The following WDR27 variants were observed in gnomAD, a reference collection of about 807,000 sequenced individuals.
WDR27 encodes the protein WD repeat-containing protein 27.
In WDR27, 100 loss-of-function variants were observed where a neutral mutation model predicts 114.4. That is an observed-to-expected ratio of 0.87 (90% CI 0.74 to 1.03). The LOEUF is 1.03. Ranked by LOEUF, WDR27 falls within the 50% of genes least tolerant of loss-of-function variation. The probability of loss-of-function intolerance (pLI) is 0.00; values close to 1 mark genes in which losing one functional copy is unlikely to be tolerated. For missense variants in WDR27, 1,129 were observed against 1,092.9 expected, an observed-to-expected ratio of 1.03 and a Z score of -0.47; for synonymous variants, 449 against 423.1, an observed-to-expected ratio of 1.06 and a Z score of -0.75.
At chr6:169,496,936 T>A (rs565108393) in intron 25 of WDR27, among the ~76,000 whole-genome samples, 1 of 152,124 alleles carries the variant, frequency 6.6e-6, no homozygotes, top group Middle Eastern at 3.4e-3. Flanking sequence ...TATGGAAAAA[T>A]CCATCCTAAA....
chr6:169,427,309 G>A, the WDR27 span, among the ~76,000 whole-genome samples: 1 of 152,166 alleles, frequency 6.6e-6, no homozygotes, highest in Non-Finnish European at 1.5e-5. Context: ...TCAAGTCCCT[G>A]GGATTTAGAG....
intron 25 of WDR27, among the ~76,000 whole-genome samples, chr6:169,497,822 G>T (rs954412694): frequency 6.6e-6 from 1 of 152,128 alleles, no homozygotes; most frequent in African/African-American, 2.4e-5. Context: ...TGGTACAGCT[G>T]CTGTGGAAAA....
chr6:169,635,312 G>A (rs899700012), intron 19 of WDR27, among the ~76,000 whole-genome samples: 1 of 152,208 alleles, frequency 6.6e-6, no homozygotes, highest in African/African-American at 2.4e-5. Flanking sequence ...ATGAACTCGG[G>A]AGGCGGAGGT....
intron 25 of WDR27, among the ~76,000 whole-genome samples, chr6:169,560,581 G>C (rs1156547819): frequency 6.6e-6 from 1 of 152,198 alleles, no homozygotes; most frequent in African/African-American, 2.4e-5. Flanking sequence ...AGGGCCTTGT[G>C]GCTCTGAATT....
chr6:169,522,447 G>C (rs952098604), intron 25 of WDR27, among the ~76,000 whole-genome samples: 1 of 151,926 alleles, frequency 6.6e-6, no homozygotes, highest in Non-Finnish European at 1.5e-5. Flanking sequence ...TTGGAGTTAA[G>C]CTACACCCTT....
chr6:169,431,972 T>C, the WDR27 span, among the ~76,000 whole-genome samples: 7 of 152,228 alleles, frequency 4.6e-5, no homozygotes, highest in Admixed American at 1.3e-4. Context: ...GAGTCTTTTC[T>C]CTTCAGGGCA....
At chr6:169,514,049 T>G (rs1440474254) in intron 25 of WDR27, among the ~76,000 whole-genome samples, 2 of 152,130 alleles carry the variant, frequency 1.3e-5, no homozygotes, top group Non-Finnish European at 2.9e-5. Flanking sequence ...GCTGACTGAT[T>G]CCAAGTCTGG....
chr6:169,622,676 A>C (rs1327730546), intron 21 of WDR27, among the ~76,000 whole-genome samples: 1 of 152,350 alleles, frequency 6.6e-6, no homozygotes, highest in South Asian at 2.1e-4. Flanking sequence ...AAAACAGGAA[A>C]CTTTTCAAAG....
At chr6:169,479,260 A>C (rs2997874) in intron 25 of WDR27, among the ~76,000 whole-genome samples, 64,239 of 151,998 alleles carry the variant, frequency 0.42, 16,234 homozygotes, top group Non-Finnish European at 0.58. Context: ...GAAGACATAC[A>C]AGTGGCCAAC....
intron 17 of WDR27, among the ~76,000 whole-genome samples, chr6:169,640,507 T>C (rs566436291): frequency 3.1e-4 from 47 of 152,318 alleles, no homozygotes; most frequent in African/African-American, 1.0e-3. Context: ...GCTCCAAACA[T>C]TCCTCACTGC....
chr6:169,470,018 T>C (rs1346996834), intron 25 of WDR27, among the ~76,000 whole-genome samples: 1 of 152,246 alleles, frequency 6.6e-6, no homozygotes, highest in Non-Finnish European at 1.5e-5. Context: ...ATTCCTTCAA[T>C]TGTTTGCTCA....
Position 169,689,020 on chromosome 6 carries a change from C to A in WDR27, c.-7-8G>T, listed in dbSNP as rs1455636327. 7 of 1,593,732 alleles carry A rather than the reference C, an allele frequency of 4.4e-6. No individual in the cohort carries two copies. Among genetic ancestry groups the A allele is most frequent in the Admixed American group, 3.5e-5 (2 of 56,794 alleles). ...GGATTTTCCATCTTCAATCTGAAAACAAAAAGTACATATAAGATGACTATA... is the reference window on the plus strand; with the variant it reads ...GGATTTTCCATCTTCAATCTGAAAAAAAAAAGTACATATAAGATGACTATA... On this transcript the variant is annotated splice_region_variant and splice_polypyrimidine_tract_variant and intron_variant, in intron 1 of 25. Transcript: ENST00000448612.
At chr6:169,501,388 G>A (rs1395387842) in intron 25 of WDR27, among the ~76,000 whole-genome samples, 2 of 152,182 alleles carry the variant, frequency 1.3e-5, no homozygotes, top group Non-Finnish European at 2.9e-5. Context: ...AGGGAGTCAC[G>A]CGGCTTTAAG....
intron 15 of WDR27, among the ~76,000 whole-genome samples, chr6:169,648,533 C>G (rs1024238960): frequency 6.6e-6 from 1 of 152,226 alleles, no homozygotes; most frequent in African/African-American, 2.4e-5. Flanking sequence ...TCAGGCAGAA[C>G]GTGGCAGGAC....
chr6:169,486,301 G>A (rs537979179), intron 25 of WDR27, among the ~76,000 whole-genome samples: 11 of 152,102 alleles, frequency 7.2e-5, no homozygotes, highest in African/African-American at 2.7e-4. Context: ...GGACTTAAAA[G>A]AGAGCTACCA....
intron 25 of WDR27, among the ~76,000 whole-genome samples, chr6:169,560,965 C>A (rs1799595586): frequency 6.6e-6 from 1 of 151,440 alleles, no homozygotes; most frequent in Non-Finnish European, 1.5e-5. Flanking sequence ...AATTTTTGTT[C>A]TTATTATTTA....
the WDR27 span, among the ~76,000 whole-genome samples, chr6:169,449,692 G>A: frequency 1.1e-4 from 16 of 152,286 alleles, no homozygotes; most frequent in South Asian, 1.7e-3. Context: ...AGAGGGATGC[G>A]GACCAGTTTT....
chr6:169,661,066 C>G lies in WDR27; in HGVS notation c.1026-300G>C, dbSNP rs958275125. Among the ~76,000 whole-genome samples, 30 of 152,242 alleles carry G rather than the reference C, an allele frequency of 2.0e-4. 1 individual carries two copies. Among genetic ancestry groups the G allele is most frequent in the Admixed American group, 1.8e-3 (27 of 15,300 alleles). ...GTGAGCTCTCCGCAGGAGTGGAGAGCGTGGGCCGGGGCAGGTTCTTGCCAG... is the reference window on the plus strand; with the variant it reads ...GTGAGCTCTCCGCAGGAGTGGAGAGGGTGGGCCGGGGCAGGTTCTTGCCAG... On this transcript the variant is annotated intron_variant, in intron 9 of 25. Transcript: ENST00000448612.
Position 169,602,231 on chromosome 6 carries a change from G to A in WDR27, c.2412C>T (p.Ala804=), listed in dbSNP as rs750401117. ...AAACAGTACATACGTGTCTGTCCTC[G>A]GCCCCACAAGCCGCGAATCGTCCAC... The part of the protein sequence containing the change: ...SPCGRFAACG[A]EDRHAYVYEM... The change falls in exon 23 of 26, where the codon GCC becomes GCT. Residue 804 remains alanine, a synonymous_variant. Coordinates refer to ENST00000448612, the MANE Select transcript of WDR27 (RefSeq NM_182552.5). 7.5e-5 allele frequency: 116 copies of A among 1,556,438 alleles called. No individual in the cohort carries two copies. Among genetic ancestry groups the A allele is most frequent in the East Asian group, 1.4e-4 (6 of 41,642 alleles).
Sources: allele counts gnomAD v4.1 joint callset (sites outside exome capture counted in the v4.1 genomes callset), GRCh38; gene constraint gnomAD v4.1.1; transcripts MANE v1.5; gene names NCBI Gene and HGNC (gene_info 2026-07-23, HGNC 2026-07-21).